CADM2: variants seen among roughly 807,000 people sequenced by gnomAD.
The protein encoded by CADM2 is immunoglobulin superfamily member 4D.
In CADM2, 12 loss-of-function variants were observed where a neutral mutation model predicts 49.8. That is an observed-to-expected ratio of 0.24 (90% CI 0.15 to 0.39). The LOEUF (loss-of-function observed/expected upper bound fraction) is 0.39. Among genes scored for constraint, CADM2 ranks in the 10% least tolerant of loss-of-function variants. The pLI, the probability that CADM2 is intolerant of heterozygous loss-of-function variation, is 1.00. For missense variants in CADM2, 378 were observed against 492.3 expected, an observed-to-expected ratio of 0.77 and a Z score of 2.20; for synonymous variants, 214 against 175.4, an observed-to-expected ratio of 1.22 and a Z score of -1.74.
intron 8 of CADM2, among the ~76,000 whole-genome samples, chr3:86,032,978 T>C (rs1734726775): frequency 6.6e-6 from 1 of 151,924 alleles, no homozygotes; most frequent in Non-Finnish European, 1.5e-5. Flanking sequence ...TATAGCAACC[T>C]TTATCAATCT....
At chr3:85,988,961 C>G (rs1376837396) in intron 8 of CADM2, among the ~76,000 whole-genome samples, 2 of 152,082 alleles carry the variant, frequency 1.3e-5, no homozygotes, top group African/African-American at 4.8e-5. Context: ...AACATTTAAA[C>G]CAATTTTGAT....
chr3:85,658,504 ATCTG>A (rs1330625416), intron 1 of CADM2, among the ~76,000 whole-genome samples: 7 of 147,150 alleles, frequency 4.8e-5, no homozygotes, highest in Admixed American at 6.9e-5. Flanking sequence ...AAGATTATCT[ATCTG>A]TCTATCTATC....
At chr3:85,537,371 A>G (rs17457217) in intron 1 of CADM2, among the ~76,000 whole-genome samples, 2 of 151,812 alleles carry the variant, frequency 1.3e-5, no homozygotes, top group African/African-American at 4.8e-5. Context: ...TGAGTTTGTT[A>G]TTCTAGTACC....
intron 1 of CADM2, among the ~76,000 whole-genome samples, chr3:85,485,030 A>G (rs746967413): frequency 1.3e-5 from 2 of 151,982 alleles, no homozygotes; most frequent in African/African-American, 2.4e-5. Flanking sequence ...AAGCAAAACA[A>G]TGTGATGAAG....
chr3:85,613,641 A>T (rs550570686), intron 1 of CADM2, among the ~76,000 whole-genome samples: 1 of 151,718 alleles, frequency 6.6e-6, no homozygotes, highest in Non-Finnish European at 1.5e-5. Context: ...AACTAATATA[A>T]TTTTTAATTT....
At chr3:85,238,890 A>C (rs1244031554) in intron 1 of CADM2, among the ~76,000 whole-genome samples, 1 of 151,580 alleles carries the variant, frequency 6.6e-6, no homozygotes, top group Non-Finnish European at 1.5e-5. Flanking sequence ...GAAATATTAA[A>C]CTTTTTTTTT....
chr3:85,370,535 G>A lies in CADM2; in HGVS notation c.62-355987G>A, dbSNP rs370409938. 3.3e-5 allele frequency among the ~76,000 whole-genome samples: 5 copies of A among 152,114 alleles called. No homozygotes were observed. In the East Asian group the frequency reaches 9.6e-4, roughly 29 times the overall value. ...AGCACAATGCATTACTCACATGTTT[G>A]TGTTGATGCCAATGAAAACAAACCT... On this transcript the variant is annotated intron_variant, in intron 1 of 9. Transcript: ENST00000383699.
chr3:85,707,362 C>T (rs1264502809), intron 1 of CADM2, among the ~76,000 whole-genome samples: 1 of 144,122 alleles, frequency 6.9e-6, no homozygotes, highest in East Asian at 2.0e-4. Context: ...CTTCCCAGTG[C>T]TAGTTTTCTA....
chr3:85,077,128 A>G (rs1403052248), intron 1 of CADM2, among the ~76,000 whole-genome samples: 2 of 152,178 alleles, frequency 1.3e-5, no homozygotes, highest in Non-Finnish European at 2.9e-5. Context: ...ACATCTCAGA[A>G]TTATTAATAG....
chr3:85,498,477 C>A (rs1005723008), intron 1 of CADM2, among the ~76,000 whole-genome samples: 1 of 152,030 alleles, frequency 6.6e-6, no homozygotes, highest in Non-Finnish European at 1.5e-5. Flanking sequence ...GATGAAACTA[C>A]GGTAAAGGTA....
intron 1 of CADM2, among the ~76,000 whole-genome samples, chr3:85,283,311 A>C (rs1456465623): frequency 6.6e-6 from 1 of 151,774 alleles, no homozygotes; most frequent in African/African-American, 2.4e-5. Flanking sequence ...TAATTTAGAA[A>C]GTTAAAATAT....
intron 6 of CADM2, among the ~76,000 whole-genome samples, chr3:85,922,567 G>A (rs1490938060): frequency 2.0e-5 from 3 of 151,562 alleles, no homozygotes; most frequent in African/African-American, 7.3e-5. Context: ...CGCAATAATT[G>A]GCATGCATGA....
chr3:85,973,096 C>A (rs751513991), intron 8 of CADM2, among the ~76,000 whole-genome samples: 3 of 151,526 alleles, frequency 2.0e-5, no homozygotes, highest in Non-Finnish European at 4.4e-5. Context: ...GGGAGAGCAA[C>A]TTTTTTCAGG....
intron 1 of CADM2, among the ~76,000 whole-genome samples, chr3:85,335,603 T>C (rs1344510776): frequency 6.6e-6 from 1 of 151,424 alleles, no homozygotes; most frequent in Non-Finnish European, 1.5e-5. Context: ...CTAGCTATAT[T>C]GAAATATACA....
At chr3:85,309,630 C>T (rs2044295818) in intron 1 of CADM2, among the ~76,000 whole-genome samples, 1 of 152,074 alleles carries the variant, frequency 6.6e-6, no homozygotes, top group African/African-American at 2.4e-5. Flanking sequence ...TAACAATGTA[C>T]AACACTTAAC....
At chr3:85,077,630 A>T (rs2036997076) in intron 1 of CADM2, among the ~76,000 whole-genome samples, 1 of 152,076 alleles carries the variant, frequency 6.6e-6, no homozygotes, top group African/African-American at 2.4e-5. Context: ...TAGGTCTCTA[A>T]TATAAAATGA....
At chr3:85,415,337 G>A (rs1478942365) in intron 1 of CADM2, among the ~76,000 whole-genome samples, 1 of 151,348 alleles carries the variant, frequency 6.6e-6, no homozygotes, top group Non-Finnish European at 1.5e-5. Flanking sequence ...AGAAGTCTAA[G>A]TGTGTTTAGT....
intron 2 of CADM2, among the ~76,000 whole-genome samples, chr3:85,742,266 A>G (rs1638969005): frequency 6.6e-6 from 1 of 152,192 alleles, no homozygotes; most frequent in African/African-American, 2.4e-5. Context: ...GTATTCTGTT[A>G]CATTCAGTGG....
At chr3:85,369,378 A>G (rs2033030074) in intron 1 of CADM2, among the ~76,000 whole-genome samples, 1 of 152,178 alleles carries the variant, frequency 6.6e-6, no homozygotes, top group African/African-American at 2.4e-5. Context: ...CACGCCTGTA[A>G]TCCCAAAAGT....
Sources: gnomAD v4.1 joint callset for allele counts (sites outside exome capture counted in the v4.1 genomes callset) on GRCh38, gnomAD v4.1.1 for gene constraint, MANE v1.5 for transcripts, NCBI Gene and HGNC (gene_info 2026-07-23, HGNC 2026-07-21) for gene names.